Variants in COL9A1 observed in about 807,000 individuals in gnomAD.
The protein encoded by COL9A1 is collagen alpha-1(IX) chain.
COL9A1 carries 104 observed loss-of-function variants against 142.6 expected under a neutral mutation model. The ratio of observed to expected loss-of-function variants is 0.73; its 90% confidence interval spans 0.62 to 0.86. The LOEUF is 0.86. COL9A1 is among the 40% of genes least tolerant of loss of function. The pLI is 0.00. For synonymous variants in COL9A1, 466 were observed against 396.0 expected (o/e 1.18, Z -2.10); for missense variants, 1,210 against 1,176.6 (o/e 1.03, Z -0.42).
At chr6:70,253,681 T>C (rs1055973918) in intron 25 of COL9A1, among the ~76,000 whole-genome samples, 1 of 152,240 alleles carries the variant, frequency 6.6e-6, no homozygotes, top group Non-Finnish European at 1.5e-5. Context: ...GTCTTTAAAC[T>C]AAAGTTACTT....
In COL9A1 at chr6:70,263,497, A is replaced by T. The variant is rs10945210; in HGVS notation, c.1342-200T>A. On this transcript the variant is annotated intron_variant, in intron 18 of 37. Coordinates refer to ENST00000357250, the MANE Select transcript of COL9A1 (RefSeq NM_001851.6). ...AATACAGAGAAGCCTACATATAAAA[A>T]GTCACCAAAATACCACCATTTAACT... Among the ~76,000 whole-genome samples the T allele has an allele frequency of 0.13, 19,180 of 152,026 alleles. 1,533 individuals are homozygous for T. The highest frequency in any genetic ancestry group is 0.18 in the Non-Finnish European group (12,077 of 67,874).
chr6:70,253,625 T>C (rs989349693), intron 25 of COL9A1, among the ~76,000 whole-genome samples, 196 bp from the exon 26 acceptor site: 1 of 152,200 alleles, frequency 6.6e-6, no homozygotes, highest in Non-Finnish European at 1.5e-5. Flanking sequence ...GGCATGACTT[T>C]ACTATATCTG....
intron 10 of COL9A1, chr6:70,279,388 T>C (rs1731511982): frequency 6.6e-6 from 1 of 152,216 alleles, no homozygotes; most frequent in African/African-American, 2.4e-5. Flanking sequence ...GTACTGCTAA[T>C]TTGCATACAC....
At chr6:70,241,096 A>T (rs1306915091) in intron 31 of COL9A1, among the ~76,000 whole-genome samples, 6 of 152,138 alleles carry the variant, frequency 3.9e-5, no homozygotes, top group Non-Finnish European at 8.8e-5. Flanking sequence ...ATCAAGAAAA[A>T]CCTAAGACAT....
rs1473469313 is a variant in COL9A1, at chr6:70,218,730, T to A, written c.2582-1649A>T. On this transcript the variant is annotated intron_variant, in intron 37 of 37. Coordinates refer to ENST00000357250, the MANE Select transcript of COL9A1 (RefSeq NM_001851.6). ...TGTTGGTCTTACTGTAGTAATATGG[T>A]CTTATTCATATATATCTCACATATT... 2.6e-5 allele frequency among the ~76,000 whole-genome samples: 3 copies of A among 115,410 alleles called. No individual in the cohort carries two copies. The East Asian group carries it at 8.6e-4, about 33-fold the overall frequency. 75.7% of individuals were successfully genotyped at this position (115,410 alleles called of 152,430 possible).
At chr6:70,278,919 G>C (rs556381464) in intron 10 of COL9A1, among the ~76,000 whole-genome samples, 2 of 152,178 alleles carry the variant, frequency 1.3e-5, no homozygotes, top group Non-Finnish European at 2.9e-5. Flanking sequence ...AATTTGTTGA[G>C]TAAGCTACAA....
chr6:70,275,004 T>C, intron 10 of COL9A1: 1 of 540,032 alleles, frequency 1.9e-6, no homozygotes. Context: ...CCTAACTTCC[T>C]GCTAACTGCA....
rs745331552 is a variant in COL9A1 at position 70,241,392 on chromosome 6, T to G, written c.2034+27A>C. The G allele has an allele frequency of 1.1e-5, 18 of 1,592,786 alleles. No homozygotes were observed. In the African/African-American group the frequency reaches 2.1e-4, roughly 19 times the overall value. ...AATGGTGCATATCAAACATTGCATTTTATACCAATTAAATAATAAGACTGA... is the reference window on the plus strand; with the variant it reads ...AATGGTGCATATCAAACATTGCATTGTATACCAATTAAATAATAAGACTGA... On this transcript the variant is annotated intron_variant, in intron 31 of 37. Coordinates refer to ENST00000357250, the MANE Select transcript of COL9A1 (RefSeq NM_001851.6).
At chr6:70,270,661 AT>A (rs1214248076) in intron 14 of COL9A1, among the ~76,000 whole-genome samples, 1 of 152,238 alleles carries the variant, frequency 6.6e-6, no homozygotes. Context: ...CTGAAAGCAA[AT>A]TGGAAACACT....
At chr6:70,261,608 C>T (rs1771692258) in intron 19 of COL9A1, among the ~76,000 whole-genome samples, 1 of 152,150 alleles carries the variant, frequency 6.6e-6, no homozygotes, top group African/African-American at 2.4e-5. Context: ...TCATTCAGAC[C>T]AGTCACAAAT....
At chr6:70,287,448 A>T (rs1035185910) in intron 5 of COL9A1, among the ~76,000 whole-genome samples, 7 of 152,196 alleles carry the variant, frequency 4.6e-5, no homozygotes, top group African/African-American at 7.2e-5. Context: ...TTTGAGGCAG[A>T]AGGAGGCTAC....
At chr6:70,248,264 G>A (rs890622771) in intron 28 of COL9A1, among the ~76,000 whole-genome samples, 14 of 152,176 alleles carry the variant, frequency 9.2e-5, no homozygotes, top group African/African-American at 3.4e-4. Flanking sequence ...CAGAAGCATA[G>A]CCTACATCGT....
rs45464198 is a variant in COL9A1, at chr6:70,239,404, C to T, written c.2080-118G>A. 134,053 of 712,392 alleles carry T rather than the reference C, an allele frequency of 0.19. 14,250 individuals are homozygous for T. Among genetic ancestry groups the T allele is most frequent in the Non-Finnish European group, 0.22 (89,130 of 401,976 alleles). 44.1% of individuals were successfully genotyped at this position (712,392 alleles called of 1,614,324 possible). A position where few individuals can be genotyped will look rare whatever the true frequency, so the allele number is the denominator to read the frequency against. On this transcript the variant is annotated intron_variant, in intron 32 of 37. Coordinates refer to ENST00000357250, the MANE Select transcript of COL9A1 (RefSeq NM_001851.6). ...CGGAAAACCATGAACAGATTAACTC[C>T]GGCACTGCAAAAAAATATTAGACTC... is the stretch of plus-strand genomic sequence containing the variant.
chr6:70,219,252 T>C (rs1768723655), intron 37 of COL9A1, among the ~76,000 whole-genome samples: 1 of 151,258 alleles, frequency 6.6e-6, no homozygotes. Flanking sequence ...TCAAATCAAG[T>C]TTAGGAGAAG....
chr6:70,294,612 A>C (rs748418778), intron 4 of COL9A1, 49 bp from the exon 5 acceptor site: 1 of 1,576,268 alleles, frequency 6.3e-7, no homozygotes, highest in South Asian at 1.1e-5. Flanking sequence ...TCCTGTACCC[A>C]TATGTATTTA....
At chr6:70,300,936 G>A (rs1774039571) in intron 2 of COL9A1, among the ~76,000 whole-genome samples, 1 of 152,076 alleles carries the variant, frequency 6.6e-6, no homozygotes, top group Admixed American at 6.6e-5. Context: ...ATAGGGGCCT[G>A]GGGAAGTCTT....
chr6:70,238,032 T>G (rs969362809), intron 33 of COL9A1, among the ~76,000 whole-genome samples: 5 of 152,142 alleles, frequency 3.3e-5, no homozygotes, highest in Non-Finnish European at 7.4e-5. Flanking sequence ...GGAGATGAGG[T>G]TCGTGGAGCA....
intron 28 of COL9A1, among the ~76,000 whole-genome samples, chr6:70,251,838 G>A (rs950121260): frequency 6.6e-6 from 1 of 152,176 alleles, no homozygotes; most frequent in Non-Finnish European, 1.5e-5. Flanking sequence ...TATGTGAATT[G>A]TATCTCAACG....
rs779960146 is a variant in COL9A1 at position 70,294,515 on chromosome 6, C to A, written c.348G>T (p.Thr116=). 9 of 1,613,930 alleles carry A rather than the reference C, an allele frequency of 5.6e-6. No homozygotes were observed. The African/African-American group carries it at 6.7e-5, about 12-fold the overall frequency. The change falls in exon 5 of 38, where the codon ACG becomes ACT. Residue 116 remains threonine, a synonymous_variant. Transcript: ENST00000357250. ...TGAGAGTGCTTCCAGTCATTCGAAA[C>A]GTCGTCAAGAAGGAGTATTCTTCAG... The part of the protein sequence containing the change: ...GLPEEYSFLT[T]FRMTGSTLKK...
Sources: allele counts gnomAD v4.1 joint callset (sites outside exome capture counted in the v4.1 genomes callset), GRCh38; gene constraint gnomAD v4.1.1; transcripts MANE v1.5; gene names NCBI Gene and HGNC (gene_info 2026-07-23, HGNC 2026-07-21).